Variants in CSMD1 observed in about 807,000 individuals in gnomAD.
CSMD1 encodes CUB and Sushi multiple domains 1, also known as CUB and sushi domain-containing protein 1.
Under a neutral mutation model 417.5 loss-of-function variants are expected in CSMD1, and 213 were observed. That is an observed-to-expected ratio of 0.51 (90% CI 0.46 to 0.57). The LOEUF is 0.57. Among genes scored for constraint, CSMD1 ranks in the 20% least tolerant of loss-of-function variants. The probability of loss-of-function intolerance (pLI) is 0.00; values close to 1 mark genes in which losing one functional copy is unlikely to be tolerated. For synonymous variants in CSMD1, 2,862 were observed against 1,736.8 expected (o/e 1.65, Z -16.11); for missense variants, 6,923 against 4,529.7 (o/e 1.53, Z -15.17).
chr8:4,812,211 C>T (rs1397797071), intron 1 of CSMD1, among the ~76,000 whole-genome samples: 3 of 152,286 alleles, frequency 2.0e-5, no homozygotes, highest in Admixed American at 6.5e-5. Flanking sequence ...GCCTTGCCTA[C>T]GTCTCTAAGT....
chr8:3,144,829 G>C (rs1022830278), intron 40 of CSMD1, among the ~76,000 whole-genome samples: 22 of 142,048 alleles, frequency 1.5e-4, no homozygotes, highest in Non-Finnish European at 3.1e-4. Flanking sequence ...GAAGGGGTAA[G>C]GGAGGGAGGG....
intron 3 of CSMD1, among the ~76,000 whole-genome samples, chr8:4,342,866 C>T (rs1800559839): frequency 6.6e-6 from 1 of 151,976 alleles, no homozygotes; most frequent in Non-Finnish European, 1.5e-5. Flanking sequence ...CACCAAAGGC[C>T]ACCCATGTGA....
chr8:3,193,407 A>G (rs1796528355), intron 33 of CSMD1, among the ~76,000 whole-genome samples: 1 of 152,142 alleles, frequency 6.6e-6, no homozygotes, highest in South Asian at 2.1e-4. Context: ...ACAGTAGGAT[A>G]GGGAGGCAGG....
intron 1 of CSMD1, among the ~76,000 whole-genome samples, chr8:4,749,294 G>A (rs1002509789): frequency 1.3e-5 from 2 of 152,096 alleles, no homozygotes; most frequent in Admixed American, 1.3e-4. Flanking sequence ...TTCTTCCAAG[G>A]TTACTTTTAG....
chr8:4,951,589 AAAAG>A (rs144583314), intron 1 of CSMD1, among the ~76,000 whole-genome samples: 40,164 of 149,634 alleles, frequency 0.27, 5,976 homozygotes, highest in Admixed American at 0.37. Context: ...AAGCAAAAAA[AAAAG>A]AAAAACCTGC....
intron 5 of CSMD1, among the ~76,000 whole-genome samples, chr8:3,988,732 C>G (rs1001710369): frequency 6.6e-6 from 1 of 152,188 alleles, no homozygotes; most frequent in Non-Finnish European, 1.5e-5. Flanking sequence ...TTTTCATTCA[C>G]AAAGTTGACG....
intron 11 of CSMD1, among the ~76,000 whole-genome samples, chr8:3,479,190 T>G (rs1817596960): frequency 6.6e-6 from 1 of 152,196 alleles, no homozygotes; most frequent in Admixed American, 6.5e-5. Context: ...CAAAATAGGC[T>G]GAGACCCACA....
intron 10 of CSMD1, among the ~76,000 whole-genome samples, chr8:3,503,546 G>T (rs576953519): frequency 6.6e-6 from 1 of 152,194 alleles, no homozygotes; most frequent in Non-Finnish European, 1.5e-5. Context: ...TGGTTCTCTG[G>T]ACCTTTAAGT....
chr8:3,246,238 C>G (rs775440231), intron 26 of CSMD1, among the ~76,000 whole-genome samples: 1 of 152,140 alleles, frequency 6.6e-6, no homozygotes, highest in African/African-American at 2.4e-5. Flanking sequence ...CTGTGCCTCA[C>G]CCACACCAGC....
chr8:3,831,942 A>T (rs1054659682), intron 5 of CSMD1, among the ~76,000 whole-genome samples: 2 of 152,138 alleles, frequency 1.3e-5, no homozygotes, highest in South Asian at 2.1e-4. Flanking sequence ...TTAGTCCTGG[A>T]AAGTTTGCAG....
At chr8:4,556,685 C>T (rs1798103994) in intron 2 of CSMD1, among the ~76,000 whole-genome samples, 1 of 152,174 alleles carries the variant, frequency 6.6e-6, no homozygotes, top group Admixed American at 6.5e-5. Context: ...AGTTTTTTTC[C>T]ATAAGTTTAA....
chr8:4,813,851 C>A (rs528907516), intron 1 of CSMD1, among the ~76,000 whole-genome samples: 2 of 152,154 alleles, frequency 1.3e-5, no homozygotes, highest in East Asian at 1.9e-4. Flanking sequence ...TGCATAGTAG[C>A]ATTCTCAGGT....
intron 23 of CSMD1, among the ~76,000 whole-genome samples, 154 bp from the exon 24 acceptor site, chr8:3,308,657 T>G (rs1010226138): frequency 8.6e-5 from 13 of 151,844 alleles, no homozygotes; most frequent in Admixed American, 7.9e-4. Flanking sequence ...AAGATGGGTC[T>G]GTACTGGGGC....
Position 4,695,981 on chromosome 8 carries a change from A to T in CSMD1, c.86-58423T>A, listed in dbSNP as rs945342835. Reference sequence around the variant, plus strand: ...TAGAGACTTGGGTTCCGGAGGGAGAATGCCTGTGTTTAATCCTGGCTTACT... The same window carrying T: ...TAGAGACTTGGGTTCCGGAGGGAGATTGCCTGTGTTTAATCCTGGCTTACT... On this transcript the variant is annotated intron_variant, in intron 1 of 69. Coordinates refer to ENST00000635120, the MANE Select transcript of CSMD1 (RefSeq NM_033225.6). Among the ~76,000 whole-genome samples, 3 of 152,332 alleles carry T rather than the reference A, an allele frequency of 2.0e-5. No homozygotes were observed. The East Asian group carries it at 5.8e-4, about 29-fold the overall frequency.
chr8:4,217,985 G>A (rs1400045646), intron 3 of CSMD1, among the ~76,000 whole-genome samples: 3 of 152,178 alleles, frequency 2.0e-5, no homozygotes, highest in Non-Finnish European at 2.9e-5. Context: ...GGGAAACAGT[G>A]AAGAAGAAAT....
intron 2 of CSMD1, among the ~76,000 whole-genome samples, chr8:4,567,970 T>A (rs967953075): frequency 6.6e-6 from 1 of 152,336 alleles, no homozygotes; most frequent in Non-Finnish European, 1.5e-5. Context: ...GCACAAGGAC[T>A]GTTATTTAAC....
At chr8:4,295,371 T>C (rs1188894031) in intron 3 of CSMD1, among the ~76,000 whole-genome samples, 1 of 144,390 alleles carries the variant, frequency 6.9e-6, no homozygotes, top group African/African-American at 2.5e-5. Flanking sequence ...ATTATATATG[T>C]ATCTTATTAT....
intron 11 of CSMD1, among the ~76,000 whole-genome samples, chr8:3,488,256 C>T (rs1383821824): frequency 6.6e-6 from 1 of 152,060 alleles, no homozygotes; most frequent in Non-Finnish European, 1.5e-5. Context: ...GCATGCACCA[C>T]CACACCCGGC....
intron 3 of CSMD1, among the ~76,000 whole-genome samples, chr8:4,124,543 A>G (rs1223663520): frequency 6.6e-6 from 1 of 152,172 alleles, no homozygotes; most frequent in Admixed American, 6.5e-5. Context: ...GAGAACTTAC[A>G]GAAGCTTTGT....
Sources: allele counts gnomAD v4.1 joint callset (sites outside exome capture counted in the v4.1 genomes callset), GRCh38; gene constraint gnomAD v4.1.1; transcripts MANE v1.5; gene names NCBI Gene and HGNC (gene_info 2026-07-23, HGNC 2026-07-21).